The following AQP7 variants were observed in gnomAD, a reference collection of about 807,000 sequenced individuals.
AQP7 encodes the protein aquaporin-7.
In AQP7, 22 loss-of-function variants were observed where a neutral mutation model predicts 26.1. That is an observed-to-expected ratio of 0.84 (90% CI 0.60 to 1.20). The LOEUF (loss-of-function observed/expected upper bound fraction) is 1.20. AQP7 is among the 50% of genes most tolerant of loss of function. AQP7 has a pLI of 0.00. For synonymous variants in AQP7, 167 were observed against 181.7 expected, an observed-to-expected ratio of 0.92 and a Z score of 0.65; for missense variants, 412 against 457.5, an observed-to-expected ratio of 0.90 and a Z score of 0.91.
chr9:33,389,706 G>T (rs145114727), intron 3 of AQP7, among the ~76,000 whole-genome samples: 1 of 152,138 alleles, frequency 6.6e-6, no homozygotes, highest in African/African-American at 2.4e-5. Context: ...AGTCAAAGCC[G>T]TCAGAGGAGA....
chr9:33,395,223 A>G, intron 2 of AQP7, 28 bp from the exon 3 acceptor site: 1 of 1,587,584 alleles, frequency 6.3e-7, no homozygotes, highest in Non-Finnish European at 8.6e-7. Flanking sequence ...GCCCATGGAC[A>G]GAAAGGAGAC....
chr9:33,392,035 C>T (rs898609176), intron 3 of AQP7, among the ~76,000 whole-genome samples: 2 of 152,112 alleles, frequency 1.3e-5, no homozygotes, highest in Admixed American at 6.6e-5. Context: ...GATACTGGGC[C>T]GGGCACGGTG....
At chr9:33,398,183 T>G (rs1825987186) in intron 2 of AQP7, among the ~76,000 whole-genome samples, 1 of 151,248 alleles carries the variant, frequency 6.6e-6, no homozygotes, top group South Asian at 2.1e-4. Flanking sequence ...CAGGGATCAC[T>G]CTGGGCGTAG....
chr9:33,386,776 G>A (rs1054661254), intron 4 of AQP7, among the ~76,000 whole-genome samples, 193 bp downstream of exon 4: 2 of 152,222 alleles, frequency 1.3e-5, no homozygotes, highest in African/African-American at 4.8e-5. Flanking sequence ...AGTGAAAATG[G>A]TAGGTCGGGG....
chr9:33,388,459 T>C (rs539558013), intron 3 of AQP7, among the ~76,000 whole-genome samples: 1 of 152,326 alleles, frequency 6.6e-6, no homozygotes, highest in South Asian at 2.1e-4. Flanking sequence ...CCTCCACTTC[T>C]AGGATAAAGT....
At chr9:33,391,898 G>A (rs990348094) in intron 3 of AQP7, among the ~76,000 whole-genome samples, 8 of 152,200 alleles carry the variant, frequency 5.3e-5, no homozygotes, top group African/African-American at 1.7e-4. Context: ...GGCCGAGAGA[G>A]GCATCTTGAA....
chr9:33,401,153 G>C (rs1400915740), intron 2 of AQP7, 84 bp downstream of exon 2: 1 of 1,459,498 alleles, frequency 6.9e-7, no homozygotes, highest in Admixed American at 2.0e-5. Context: ...CAAGGGAGAG[G>C]CTGAGGATGG....
chr9:33,387,394 C>T (rs987226160), intron 3 of AQP7, among the ~76,000 whole-genome samples: 7 of 152,120 alleles, frequency 4.6e-5, no homozygotes, highest in African/African-American at 1.7e-4. Context: ...TGGGGTGAGG[C>T]AGGGCTGCGA....
chr9:33,400,276 A>G (rs935389200), intron 2 of AQP7, among the ~76,000 whole-genome samples: 4 of 152,184 alleles, frequency 2.6e-5, no homozygotes, highest in African/African-American at 9.7e-5. Flanking sequence ...ACGGAAAAAA[A>G]CAGAGCAAGG....
rs548320754 is a variant in AQP7, at chr9:33,384,724, G to T, written c.*281C>A. 3 of 326,492 alleles carry T rather than the reference G, an allele frequency of 9.2e-6. No individual in the cohort carries two copies. The highest frequency in any genetic ancestry group is 1.1e-4 in the East Asian group (2 of 18,324). The allele number at this position is 326,492 out of a possible 1,614,324, so 20.2% of individuals were successfully genotyped here. A position where few individuals can be genotyped will look rare whatever the true frequency, so the allele number is the denominator to read the frequency against. ...CCAAAACCACCCTTCCTTCCCCCGT[G>T]CCTGAAAATCCCTCATTCTGTCGTT... is the stretch of plus-strand genomic sequence containing the variant. On this transcript the variant is annotated 3_prime_UTR_variant, in exon 8 of 8. Coordinates refer to ENST00000297988, the MANE Select transcript of AQP7 (RefSeq NM_001170.3).
chr9:33,392,679 G>A (rs867931922), intron 3 of AQP7, among the ~76,000 whole-genome samples: 16 of 152,296 alleles, frequency 1.1e-4, no homozygotes, highest in African/African-American at 3.6e-4. Flanking sequence ...CTTGTGATAA[G>A]ATCATTACTT....
chr9:33,392,455 G>A lies in AQP7; in HGVS notation c.144+2623C>T, dbSNP rs1199604629. Among the ~76,000 whole-genome samples, 5 of 152,244 alleles carry A rather than the reference G, an allele frequency of 3.3e-5. No homozygotes were observed. The South Asian group carries it at 1.0e-3, about 32-fold the overall frequency. On this transcript the variant is annotated intron_variant, in intron 3 of 7. Transcript: ENST00000297988. ...TACCTACTTCACAGGGCTATTGCGA[G>A]GATTTGGGAAGATGCTGCACGTAAG...
chr9:33,400,405 C>A (rs1826179479), intron 2 of AQP7, among the ~76,000 whole-genome samples: 1 of 151,946 alleles, frequency 6.6e-6, no homozygotes, highest in Non-Finnish European at 1.5e-5. Flanking sequence ...CGAGAGTGGG[C>A]TGTATGTTAG....
At position 33,387,166 on chromosome 9, in the gene AQP7, C is replaced by G. The variant is rs1013610622; in HGVS notation, c.145-74G>C. The G allele has an allele frequency of 2.8e-5, 41 of 1,478,346 alleles. 1 individual carries two copies. In the Admixed American group the frequency reaches 5.8e-4, roughly 21 times the overall value. 91.6% of individuals were successfully genotyped at this position (1,478,346 alleles called of 1,614,324 possible). A position where few individuals can be genotyped will look rare whatever the true frequency, so the allele number is the denominator to read the frequency against. ...TCAGAGGAGGGCTCAGAGCTCAGTT[C>G]TAGCTCCTCACCCCCATGCCCTGGG... On this transcript the variant is annotated intron_variant, in intron 3 of 7. Coordinates refer to ENST00000297988, the MANE Select transcript of AQP7 (RefSeq NM_001170.3).
chr9:33,394,072 TC>T, intron 3 of AQP7: 1 of 152,718 alleles, frequency 6.5e-6, no homozygotes, highest in Non-Finnish European at 1.5e-5. Flanking sequence ...TCTCCTGAGC[TC>T]CAGCCCCTTG....
rs1263139303 is a variant in AQP7, at chr9:33,387,071, C to T, written c.166G>A (p.Ala56Thr). ...VMMVFGLGSV[A>T]HMVLNKKYGS... ...TATTTTTTATTTAGAACCATATGGG[C>T]CACGGAACCAAGGCCGAATACCTAC... is the stretch of plus-strand genomic sequence containing the variant. Residue 56 changes from alanine (A) to threonine (T), a missense_variant, in exon 4 of 8, where the codon GCC becomes ACC. Physicochemically the swap from Ala to Thr is moderately conservative, Grantham distance 58 (BLOSUM62 0). Coordinates refer to ENST00000297988, the MANE Select transcript of AQP7 (RefSeq NM_001170.3). 1.9e-6 allele frequency: 3 copies of T among 1,611,938 alleles called. No individual in the cohort carries two copies. Among genetic ancestry groups the T allele is most frequent in the East Asian group, 4.5e-5 (2 of 44,872 alleles).
At chr9:33,392,533 AC>A (rs1825503246) in intron 3 of AQP7, among the ~76,000 whole-genome samples, 1 of 152,152 alleles carries the variant, frequency 6.6e-6, no homozygotes, top group East Asian at 1.9e-4. Flanking sequence ...GAAAATCTCA[AC>A]AAAAGGAAGA....
At chr9:33,399,319 G>A (rs1337244838) in intron 2 of AQP7, among the ~76,000 whole-genome samples, 1 of 152,096 alleles carries the variant, frequency 6.6e-6, no homozygotes, top group Non-Finnish European at 1.5e-5. Context: ...GGTTGGCCAG[G>A]CATGGTGACT....
rs1348833430 is a variant in AQP7 at position 33,383,732 on chromosome 9, GCCT to G, written c.*1270_*1272del. The G allele has an allele frequency of 6.6e-6, 1 of 152,582 alleles. No homozygotes were observed. Among genetic ancestry groups the G allele is most frequent in the East Asian group, 1.9e-4 (1 of 5,184 alleles). 9.5% of individuals were successfully genotyped at this position (152,582 alleles called of 1,614,324 possible). A position where few individuals can be genotyped will look rare whatever the true frequency, so the allele number is the denominator to read the frequency against. On this transcript the variant is annotated 3_prime_UTR_variant, in exon 8 of 8. Coordinates refer to ENST00000297988, the MANE Select transcript of AQP7 (RefSeq NM_001170.3). ...GTCCCCACCTCCAGAACGAAGCCCA[GCCT>G]CCTCTGCCCATCCCCTCAAACTGTA...
Sources: gnomAD v4.1 joint callset for allele counts (sites outside exome capture counted in the v4.1 genomes callset) on GRCh38, gnomAD v4.1.1 for gene constraint, MANE v1.5 for transcripts, NCBI Gene and HGNC (gene_info 2026-07-23, HGNC 2026-07-21) for gene names.